The following NUDCD3 variants were observed in gnomAD, a reference collection of about 807,000 sequenced individuals.
The protein encoded by NUDCD3 is nudC domain-containing protein 3.
Under a neutral mutation model 39.7 loss-of-function variants are expected in NUDCD3, and 13 were observed. That is an observed-to-expected ratio of 0.33 (90% CI 0.21 to 0.52). NUDCD3 has a LOEUF of 0.52. NUDCD3 is among the 20% of genes least tolerant of loss of function. The pLI is 0.96. For synonymous variants in NUDCD3, 175 were observed against 172.4 expected, an observed-to-expected ratio of 1.02 and a Z score of -0.12; for missense variants, 453 against 458.1, an observed-to-expected ratio of 0.99 and a Z score of 0.10.
chr7:44,481,317 G>A (rs1457225941), intron 2 of NUDCD3: 1 of 152,226 alleles, frequency 6.6e-6, no homozygotes, highest in Non-Finnish European at 1.5e-5. Flanking sequence ...GGCTAGGCCA[G>A]TCTGAAATCC....
intron 3 of NUDCD3, among the ~76,000 whole-genome samples, chr7:44,419,306 T>C (rs896891727): frequency 9.0e-6 from 1 of 110,678 alleles, no homozygotes; most frequent in Non-Finnish European, 1.8e-5. Flanking sequence ...GGGCAGGGCA[T>C]CTCTGAAAGA....
At chr7:44,431,325 G>A (rs147958187) in intron 2 of NUDCD3, among the ~76,000 whole-genome samples, 31 of 152,152 alleles carry the variant, frequency 2.0e-4, no homozygotes, top group Admixed American at 7.2e-4. Flanking sequence ...CACTCCTGAT[G>A]AGCTGGGATA....
chr7:44,440,496 G>GAAAAAAAAAAAAAAAAAAAAAAA (rs72065068), intron 2 of NUDCD3, among the ~76,000 whole-genome samples: 1 of 48,382 alleles, frequency 2.1e-5, no homozygotes. Context: ...CAGAAAAATT[G>GAAAAAAAAAAAAAAAAAAAAAAA]AAAAAAAAAA....
At chr7:44,481,072 C>T (rs1236943945) in intron 2 of NUDCD3, among the ~76,000 whole-genome samples, 1 of 147,434 alleles carries the variant, frequency 6.8e-6, no homozygotes, top group South Asian at 2.2e-4. Flanking sequence ...CAACTATTTA[C>T]ATAGCATTTA....
rs953619201 is a variant in NUDCD3 at position 44,485,044 on chromosome 7, C to T, written c.433G>A (p.Gly145Ser). Residue 145 changes from glycine to serine, a missense_variant, in exon 2 of 6, where the codon GGT becomes AGT. Transcript: ENST00000355451. Reference sequence around the variant, plus strand: ...CCTGGAGCTTCTGCCTCCTGTGAACCATGGGCCATTTCCTTCACAGGGCCT... The same window carrying T: ...CCTGGAGCTTCTGCCTCCTGTGAACTATGGGCCATTTCCTTCACAGGGCCT... ...PPGPVKEMAH[G>S]SQEAEAPGAV... is the part of the protein sequence containing the mutation. 1 of 1,614,050 alleles carries T rather than the reference C, an allele frequency of 6.2e-7. No homozygotes were observed. Among genetic ancestry groups the T allele is most frequent in the African/African-American group, 1.3e-5 (1 of 74,932 alleles).
chr7:44,402,519 T>C (rs1798744940), intron 4 of NUDCD3: 3 of 391,920 alleles, frequency 7.7e-6, no homozygotes, highest in South Asian at 5.5e-5. Flanking sequence ...ATTGGTACCC[T>C]GATTGTAATC....
rs758951984 is a variant in NUDCD3, at chr7:44,380,866, C to T, written c.*5145G>A. 6.6e-6 allele frequency: 1 copy of T among 152,396 alleles called. No homozygotes were observed. Among genetic ancestry groups the T allele is most frequent in the Non-Finnish European group, 1.5e-5 (1 of 68,170 alleles). 9.4% of individuals were successfully genotyped at this position (152,396 alleles called of 1,614,324 possible). Reference sequence around the variant, plus strand: ...CCCCACAGTGCCCCAACAACACTTCCTGTCCTCTGGTAGACCCTTACCTGC... The same window carrying T: ...CCCCACAGTGCCCCAACAACACTTCTTGTCCTCTGGTAGACCCTTACCTGC... On this transcript the variant is annotated 3_prime_UTR_variant, in exon 6 of 6. Transcript: ENST00000355451.
intron 2 of NUDCD3, among the ~76,000 whole-genome samples, chr7:44,483,189 A>C (rs184071783): frequency 1.4e-4 from 21 of 152,272 alleles, no homozygotes; most frequent in Non-Finnish European, 2.5e-4. Flanking sequence ...TAATAACTTC[A>C]AGGAACTGAT....
chr7:44,426,592 C>G (rs1387560540), intron 3 of NUDCD3, among the ~76,000 whole-genome samples: 5 of 151,940 alleles, frequency 3.3e-5, no homozygotes, highest in African/African-American at 1.2e-4. Context: ...GTCAGGAGAT[C>G]GAGACCATCC....
intron 2 of NUDCD3, among the ~76,000 whole-genome samples, chr7:44,476,041 G>T (rs1800362483): frequency 1.3e-5 from 2 of 152,122 alleles, no homozygotes; most frequent in Admixed American, 6.5e-5. Context: ...ACAGTCTACG[G>T]GGTTGGGTAT....
intron 3 of NUDCD3, among the ~76,000 whole-genome samples, chr7:44,419,747 A>G (rs1418505772): frequency 6.6e-6 from 1 of 152,170 alleles, no homozygotes; most frequent in Non-Finnish European, 1.5e-5. Context: ...GCAGACCTGC[A>G]GAAGAGGGGC....
intron 3 of NUDCD3, among the ~76,000 whole-genome samples, chr7:44,407,432 T>G (rs576377526): frequency 6.6e-6 from 1 of 151,252 alleles, no homozygotes; most frequent in East Asian, 1.9e-4. Flanking sequence ...AGGCGTGGTG[T>G]TGTATGCCTG....
In NUDCD3 at chr7:44,447,778, A is replaced by G. The variant is rs193024004; in HGVS notation, c.510-20075T>C. ...TCCTCAAAGCCATGGATCTTAGGTG[A>G]TATCAAGTTCACATGAAGACAAGAG... On this transcript the variant is annotated intron_variant, in intron 2 of 5. Coordinates refer to ENST00000355451, the MANE Select transcript of NUDCD3 (RefSeq NM_015332.4). 1.3e-3 allele frequency among the ~76,000 whole-genome samples: 203 copies of G among 152,348 alleles called. 3 individuals are homozygous for G. Among genetic ancestry groups the G allele is most frequent in the African/African-American group, 4.6e-3 (190 of 41,574 alleles).
intron 2 of NUDCD3, among the ~76,000 whole-genome samples, chr7:44,445,314 C>T (rs887422820): frequency 9.2e-5 from 14 of 152,158 alleles, no homozygotes; most frequent in African/African-American, 3.1e-4. Flanking sequence ...GATAAGTTGC[C>T]CCAGTTTCTA....
chr7:44,396,698 T>C (rs1798632112), intron 4 of NUDCD3, among the ~76,000 whole-genome samples: 1 of 152,246 alleles, frequency 6.6e-6, no homozygotes, highest in Non-Finnish European at 1.5e-5. Context: ...ATGTTTCTGC[T>C]GTCACTGTCC....
intron 5 of NUDCD3, among the ~76,000 whole-genome samples, chr7:44,386,510 C>T (rs1798405484): frequency 6.6e-6 from 1 of 152,198 alleles, no homozygotes; most frequent in Non-Finnish European, 1.5e-5. Flanking sequence ...TCCCAGCCCA[C>T]CAGGGTTGTA....
At chr7:44,455,590 C>G (rs1411102579) in intron 2 of NUDCD3, among the ~76,000 whole-genome samples, 4 of 152,178 alleles carry the variant, frequency 2.6e-5, no homozygotes, top group African/African-American at 9.6e-5. Flanking sequence ...TGTGAGTATG[C>G]ATTGGGAGTG....
chr7:44,416,435 T>C (rs1047278394), intron 3 of NUDCD3, among the ~76,000 whole-genome samples: 2 of 150,590 alleles, frequency 1.3e-5, no homozygotes, highest in Non-Finnish European at 3.0e-5. Context: ...GAGGTTGCAG[T>C]GAGCCAAGAT....
At chr7:44,428,123 T>TAAAAA (rs55642004) in intron 2 of NUDCD3, among the ~76,000 whole-genome samples, 6 of 76,102 alleles carry the variant, frequency 7.9e-5, no homozygotes, top group African/African-American at 1.6e-4. Flanking sequence ...GGTCAATCTT[T>TAAAAA]AAAAAAAAAA....
Sources: allele counts gnomAD v4.1 joint callset (sites outside exome capture counted in the v4.1 genomes callset), GRCh38; gene constraint gnomAD v4.1.1; transcripts MANE v1.5; gene names NCBI Gene and HGNC (gene_info 2026-07-23, HGNC 2026-07-21).